Variants in GRIK4 observed in about 807,000 individuals in gnomAD.
The protein encoded by GRIK4 is glutamate receptor ionotropic, kainate 4.
GRIK4 carries 40 observed loss-of-function variants against 104.9 expected under a neutral mutation model. The ratio of observed to expected loss-of-function variants is 0.38; its 90% CI spans 0.30 to 0.50. GRIK4 has a LOEUF of 0.50. GRIK4 is among the 20% of genes least tolerant of loss of function. The probability of loss-of-function intolerance (pLI) is 0.93; values close to 1 mark genes in which losing one functional copy is unlikely to be tolerated. For missense variants in GRIK4, 1,047 were observed against 1,308.1 expected (o/e 0.80, Z 3.08); for synonymous variants, 485 against 524.9 (o/e 0.92, Z 1.04).
At chr11:120,788,351 C>T (rs764764921) in intron 3 of GRIK4, among the ~76,000 whole-genome samples, 7 of 151,944 alleles carry the variant, frequency 4.6e-5, no homozygotes, top group Non-Finnish European at 7.3e-5. Flanking sequence ...GTCAGCAGCA[C>T]GTGATCTCTA....
chr11:120,599,360 C>G lies in GRIK4; in HGVS notation c.-158-54325C>G, dbSNP rs1591726421. On this transcript the variant is annotated intron_variant, in intron 1 of 20. Transcript: ENST00000527524. ...GTTGGTGGTGGGGAAGGTCCCTGTT[C>G]TGGGCTTGAGGCTCCAGGGATGGAG... Among the ~76,000 whole-genome samples the G allele has an allele frequency of 2.0e-5, 3 of 152,210 alleles. No individual in the cohort carries two copies. In the East Asian group the frequency reaches 5.8e-4, roughly 29 times the overall value.
At chr11:120,896,604 GGCCTGGCTGGCCCTGCCA>G (rs1415424057) in intron 11 of GRIK4, among the ~76,000 whole-genome samples, 1 of 152,196 alleles carries the variant, frequency 6.6e-6, no homozygotes, top group African/African-American at 2.4e-5. Flanking sequence ...GTCTGGGGTG[GGCCTGGCTGGCCCTGCCA>G]TCCACACTCT....
chr11:120,799,216 T>C (rs1359777745), intron 3 of GRIK4, among the ~76,000 whole-genome samples: 1 of 152,154 alleles, frequency 6.6e-6, no homozygotes, highest in African/African-American at 2.4e-5. Flanking sequence ...AGTTAGTAGG[T>C]TATAGATGGA....
At chr11:120,710,613 C>T (rs1455186368) in intron 3 of GRIK4, among the ~76,000 whole-genome samples, 5 of 152,154 alleles carry the variant, frequency 3.3e-5, no homozygotes, top group Admixed American at 6.5e-5. Context: ...GATTGGAATG[C>T]GCCCTGCGGT....
intron 3 of GRIK4, among the ~76,000 whole-genome samples, chr11:120,731,799 A>G (rs1431456014): frequency 6.6e-6 from 1 of 152,136 alleles, no homozygotes; most frequent in Non-Finnish European, 1.5e-5. Context: ...GGCCGTATCT[A>G]GGAATTTGTC....
intron 19 of GRIK4, among the ~76,000 whole-genome samples, chr11:120,977,425 C>G (rs560630100): frequency 1.3e-5 from 2 of 152,268 alleles, no homozygotes; most frequent in East Asian, 3.9e-4. Flanking sequence ...TGATGAATGT[C>G]GATGTGCTGT....
intron 6 of GRIK4, among the ~76,000 whole-genome samples, chr11:120,824,412 C>T (rs1431248331): frequency 6.6e-6 from 1 of 152,154 alleles, no homozygotes; most frequent in Non-Finnish European, 1.5e-5. Flanking sequence ...GCCTGTTGGT[C>T]AGATCACCCA....
chr11:120,929,829 C>A lies in GRIK4; in HGVS notation c.1477-10518C>A, dbSNP rs200210014. ...GAGAAGGGCGCCCTCTAGTGGGGAA[C>A]CTACGGCTTCAAGTCCTTAGGTTGG... is the stretch of plus-strand genomic sequence containing the variant. On this transcript the variant is annotated intron_variant, in intron 13 of 20. Transcript: ENST00000527524. Among the ~76,000 whole-genome samples the A allele has an allele frequency of 1.3e-3, 117 of 90,702 alleles. 2 individuals carry two copies. In the East Asian group the frequency reaches 0.062, roughly 48 times the overall value. The allele number at this position is 90,702 out of a possible 152,430, so 59.5% of individuals were successfully genotyped here. A position where few individuals can be genotyped will look rare whatever the true frequency, so the allele number is the denominator to read the frequency against.
At chr11:120,573,403 G>C (rs1948429121) in intron 1 of GRIK4, among the ~76,000 whole-genome samples, 2 of 152,152 alleles carry the variant, frequency 1.3e-5, no homozygotes, top group Non-Finnish European at 1.5e-5. Flanking sequence ...AGGGGAAGCT[G>C]TTCCCATAAT....
Position 120,613,369 on chromosome 11 carries a change from G to T in GRIK4, c.-158-40316G>T, listed in dbSNP as rs541917467. On this transcript the variant is annotated intron_variant, in intron 1 of 20. Coordinates refer to ENST00000527524, the MANE Select transcript of GRIK4 (RefSeq NM_014619.5). ...TGTCCTGTGCTTTCTATACCCTTCA[G>T]CCAAGGGAAGGGGGGCTGTCTGCTT... is the stretch of plus-strand genomic sequence containing the variant. 2.1e-4 allele frequency among the ~76,000 whole-genome samples: 32 copies of T among 152,318 alleles called. No homozygotes were observed. In the South Asian group the frequency reaches 5.2e-3, roughly 25 times the overall value.
intron 1 of GRIK4, among the ~76,000 whole-genome samples, chr11:120,569,679 G>A (rs561988499): frequency 1.3e-5 from 2 of 152,282 alleles, no homozygotes; most frequent in South Asian, 4.2e-4. Context: ...AGGGTCATTA[G>A]CCAGGGAACA....
At chr11:120,695,996 C>T (rs1266334835) in intron 3 of GRIK4, among the ~76,000 whole-genome samples, 1 of 152,158 alleles carries the variant, frequency 6.6e-6, no homozygotes, top group Non-Finnish European at 1.5e-5. Context: ...GTGACCTTCT[C>T]TTCCTAGGAG....
chr11:120,891,103 A>G (rs978666495), intron 11 of GRIK4, among the ~76,000 whole-genome samples: 2 of 152,246 alleles, frequency 1.3e-5, no homozygotes, highest in Non-Finnish European at 2.9e-5. Flanking sequence ...GATTCTAGGC[A>G]GGAGTGAGAG....
intron 1 of GRIK4, among the ~76,000 whole-genome samples, chr11:120,559,743 G>C (rs1294867967): frequency 6.6e-6 from 1 of 152,194 alleles, no homozygotes; most frequent in Non-Finnish European, 1.5e-5. Flanking sequence ...CTGACTTCTT[G>C]AGTTCTTTAT....
chr11:120,679,347 C>T (rs1203880926), intron 3 of GRIK4, among the ~76,000 whole-genome samples: 1 of 152,138 alleles, frequency 6.6e-6, no homozygotes, highest in Non-Finnish European at 1.5e-5. Context: ...TTTGAGTAAA[C>T]AGCCCAGGAA....
chr11:120,954,277 G>C (rs1285700710), intron 15 of GRIK4, among the ~76,000 whole-genome samples: 1 of 152,116 alleles, frequency 6.6e-6, no homozygotes, highest in Non-Finnish European at 1.5e-5. Flanking sequence ...AAAAAGACAG[G>C]CCTTGCTGAC....
Position 120,923,709 on chromosome 11 carries a change from G to A in GRIK4, c.1477-16638G>A, listed in dbSNP as rs77541577. Among the ~76,000 whole-genome samples, 13 of 152,200 alleles carry A rather than the reference G, an allele frequency of 8.5e-5. No individual in the cohort carries two copies. In the South Asian group the frequency reaches 2.1e-3, roughly 24 times the overall value. On this transcript the variant is annotated intron_variant, in intron 13 of 20. Transcript: ENST00000527524. ...ATCACAGGCATGAGCCACTGCGCCC[G>A]GCCCCATTCGCTCATTTAATCCTCA...
At chr11:120,812,927 G>T (rs1591945076) in intron 4 of GRIK4, among the ~76,000 whole-genome samples, 1 of 152,238 alleles carries the variant, frequency 6.6e-6, no homozygotes, top group Non-Finnish European at 1.5e-5. Flanking sequence ...AGAGGAGTCA[G>T]CAATGAGTGA....
chr11:120,928,616 T>C (rs1384240220), intron 13 of GRIK4, among the ~76,000 whole-genome samples: 1 of 152,158 alleles, frequency 6.6e-6, no homozygotes, highest in African/African-American at 2.4e-5. Flanking sequence ...CTGTGCCGCA[T>C]AATTTCACCT....
Sources: allele counts gnomAD v4.1 joint callset (sites outside exome capture counted in the v4.1 genomes callset), GRCh38; gene constraint gnomAD v4.1.1; transcripts MANE v1.5; gene names NCBI Gene and HGNC (gene_info 2026-07-23, HGNC 2026-07-21).